Variants in GLRA2 observed in about 807,000 individuals in gnomAD.
The protein encoded by GLRA2 is glycine receptor alpha 2.
Under a neutral mutation model 31.6 loss-of-function variants are expected in GLRA2, and 11 were observed. The ratio of observed to expected loss-of-function variants is 0.35; its 90% CI spans 0.22 to 0.58. The LOEUF (loss-of-function observed/expected upper bound fraction) is 0.58, where lower values mean the gene tolerates loss of function less well. Among genes scored for constraint, GLRA2 ranks in the 20% least tolerant of loss-of-function variants. The probability of loss-of-function intolerance (pLI) is 0.84; values close to 1 mark genes in which losing one functional copy is unlikely to be tolerated. For missense variants in GLRA2, 212 were observed against 351.8 expected, an observed-to-expected ratio of 0.60 and a Z score of 3.18; for synonymous variants, 132 against 134.0, an observed-to-expected ratio of 0.99 and a Z score of 0.10.
the GLRA2 span, among the ~76,000 whole-genome samples, chrX:14,496,392 T>A: frequency 8.9e-6 from 1 of 111,924 alleles, no homozygotes; most frequent in Admixed American, 9.5e-5. Flanking sequence ...GTAACTCAGA[T>A]TGTTTTTTAA....
chrX:14,478,262 G>A, the GLRA2 span, among the ~76,000 whole-genome samples: 3 of 111,150 alleles, frequency 2.7e-5, no homozygotes, highest in Admixed American at 9.6e-5. Context: ...ATAAATGGTC[G>A]CTTTTTTCTT....
At chrX:14,604,294 A>AT (rs770243895) in intron 4 of GLRA2, 21 bp from the exon 5 acceptor site, 4,093 of 929,034 alleles carry the variant, frequency 4.4e-3, no homozygotes, top group East Asian at 7.6e-3. Context: ...ATGGTTTTTA[A>AT]TTTTTTTTTT....
At chrX:14,463,020 T>C in the GLRA2 span, among the ~76,000 whole-genome samples, 2 of 111,615 alleles carry the variant, frequency 1.8e-5, no homozygotes, top group Non-Finnish European at 3.8e-5. Context: ...TGACCTACAA[T>C]TGGGGTTTTG....
At chrX:14,657,182 C>A (rs927876353) in intron 7 of GLRA2, among the ~76,000 whole-genome samples, 1 of 111,994 alleles carries the variant, frequency 8.9e-6, no homozygotes, top group Admixed American at 9.5e-5. Flanking sequence ...AGTATCAAAG[C>A]TTTAGAGCAC....
At chrX:14,534,405 A>G (rs938388948) in intron 2 of GLRA2, among the ~76,000 whole-genome samples, 2 of 110,667 alleles carry the variant, frequency 1.8e-5, no homozygotes, top group African/African-American at 6.5e-5. Flanking sequence ...ATTTATTTAC[A>G]TAGACCATTT....
At chrX:14,565,090 A>G (rs1416943761) in intron 2 of GLRA2, among the ~76,000 whole-genome samples, 1 of 111,901 alleles carries the variant, frequency 8.9e-6, no homozygotes, top group East Asian at 2.8e-4. Flanking sequence ...GATATTCAAA[A>G]AACAAAATGA....
rs113904864 is a variant in GLRA2, at chrX:14,667,051, G to A, written c.931-23659G>A. ...ATTTCACACACAAGGAACAGTCTAC[G>A]GTGATTTGTTGACTTATTGCTGAAA... On this transcript the variant is annotated intron_variant, in intron 7 of 8. Coordinates refer to ENST00000218075, the MANE Select transcript of GLRA2 (RefSeq NM_002063.4). Among the ~76,000 whole-genome samples, 387 of 112,223 alleles carry A rather than the reference G, an allele frequency of 3.4e-3. 1 individual carries two copies. The highest frequency in any genetic ancestry group is 0.012 in the African/African-American group (371 of 30,938).
At chrX:14,613,505 A>G (rs1228569888) in intron 7 of GLRA2, among the ~76,000 whole-genome samples, 1 of 112,196 alleles carries the variant, frequency 8.9e-6, no homozygotes. Flanking sequence ...AAAATAACCA[A>G]TACAGCATAA....
intron 8 of GLRA2, among the ~76,000 whole-genome samples, chrX:14,725,765 A>ATAAG (rs1569527794): frequency 8.9e-6 from 1 of 112,479 alleles, no homozygotes; most frequent in Admixed American, 9.4e-5. Context: ...AAATTTTACA[A>ATAAG]TAAGTAAAAC....
chrX:14,492,355 G>A, the GLRA2 span, among the ~76,000 whole-genome samples: 1 of 110,576 alleles, frequency 9.0e-6, no homozygotes, highest in Non-Finnish European at 1.9e-5. Flanking sequence ...CTCTGCTTGA[G>A]GAATAGACTA....
the GLRA2 span, among the ~76,000 whole-genome samples, chrX:14,484,650 G>A: frequency 2.5e-4 from 28 of 111,982 alleles, no homozygotes; most frequent in East Asian, 7.9e-3. Flanking sequence ...AACAACCAGA[G>A]AGATTAATTT....
the GLRA2 span, among the ~76,000 whole-genome samples, chrX:14,499,456 C>A: frequency 9.0e-6 from 1 of 110,644 alleles, no homozygotes; most frequent in African/African-American, 3.3e-5. Context: ...TTGGAATCAA[C>A]CTAGGTATCC....
upstream of GLRA2, among the ~76,000 whole-genome samples, chrX:14,526,971 C>T (rs763072050): frequency 1.7e-4 from 19 of 111,106 alleles, 1 homozygote; most frequent in Non-Finnish European, 5.7e-5. Flanking sequence ...CAGGAGTGCA[C>T]TGTGTCACAG....
intron 2 of GLRA2, among the ~76,000 whole-genome samples, chrX:14,567,663 C>T (rs746825113): frequency 8.9e-6 from 1 of 112,041 alleles, no homozygotes; most frequent in South Asian, 3.7e-4. Context: ...AAATGAAAGG[C>T]ATCCAAACTT....
chrX:14,470,882 T>C, the GLRA2 span, among the ~76,000 whole-genome samples: 1 of 111,762 alleles, frequency 8.9e-6, no homozygotes, highest in East Asian at 2.8e-4. Flanking sequence ...GCAGAGGCGT[T>C]TTATTGACTT....
chrX:14,695,143 A>G lies in GLRA2; in HGVS notation c.1080+4284A>G, dbSNP rs1240464834. On this transcript the variant is annotated intron_variant, in intron 8 of 8. Transcript: ENST00000218075. ...TCCACAAAACTAAGTGAGATTACAC[A>G]TTGAGATAACAGAAACAAAAAAAAA... 2.9e-5 allele frequency among the ~76,000 whole-genome samples: 3 copies of G among 103,390 alleles called. No homozygotes were observed. In the East Asian group the frequency reaches 8.5e-4, roughly 29 times the overall value. The allele number at this position is 103,390 out of a possible 115,157, so 89.8% of individuals were successfully genotyped here.
chrX:14,543,236 CAAAAA>C (rs60906048), intron 2 of GLRA2, among the ~76,000 whole-genome samples: 10 of 23,372 alleles, frequency 4.3e-4, no homozygotes, highest in African/African-American at 1.4e-3. Flanking sequence ...TTGTCATCTG[CAAAAA>C]AAAAAAAAAA....
chrX:14,455,786 TTTTAC>T, the GLRA2 span, among the ~76,000 whole-genome samples: 1 of 112,205 alleles, frequency 8.9e-6, no homozygotes, highest in Admixed American at 9.5e-5. Flanking sequence ...ATTATATGGG[TTTTAC>T]TTTTTTAATT....
At chrX:14,525,942 G>A (rs2089185891), upstream of GLRA2, among the ~76,000 whole-genome samples, 1 of 111,946 alleles carries the variant, frequency 8.9e-6, no homozygotes, top group African/African-American at 3.2e-5. Context: ...AATGTATGGG[G>A]ATATAATGGT....
Sources: gnomAD v4.1 joint callset for allele counts (sites outside exome capture counted in the v4.1 genomes callset) on GRCh38, gnomAD v4.1.1 for gene constraint, MANE v1.5 for transcripts, NCBI Gene and HGNC (gene_info 2026-07-23, HGNC 2026-07-21) for gene names.